Variants in PTPRM observed in about 807,000 individuals in gnomAD.
PTPRM encodes the protein protein tyrosine phosphatase receptor type M.
Under a neutral mutation model 186.7 loss-of-function variants are expected in PTPRM, and 47 were observed. The observed-to-expected ratio is 0.25, with a 90% CI of 0.20 to 0.32. The LOEUF (loss-of-function observed/expected upper bound fraction) is 0.32. Ranked by LOEUF, PTPRM falls within the 10% of genes least tolerant of loss-of-function variation. The pLI, the probability that PTPRM is intolerant of heterozygous loss-of-function variation, is 1.00. For missense variants in PTPRM, 1,494 were observed against 1,865.0 expected (o/e 0.80, Z 3.66); for synonymous variants, 668 against 674.9 (o/e 0.99, Z 0.16).
chr18:7,651,838 A>T (rs528498391), intron 1 of PTPRM, among the ~76,000 whole-genome samples: 1 of 152,168 alleles, frequency 6.6e-6, no homozygotes, highest in Non-Finnish European at 1.5e-5. Flanking sequence ...GGACATAGGC[A>T]TGGGCAAGGA....
At chr18:8,000,334 G>A (rs939483320) in intron 7 of PTPRM, among the ~76,000 whole-genome samples, 4 of 152,202 alleles carry the variant, frequency 2.6e-5, no homozygotes, top group Non-Finnish European at 4.4e-5. Context: ...TAGATAAACT[G>A]TCAGCAGATA....
chr18:8,137,334 A>G (rs1431805676), intron 13 of PTPRM, among the ~76,000 whole-genome samples: 1 of 152,128 alleles, frequency 6.6e-6, no homozygotes, highest in East Asian at 1.9e-4. Context: ...ATTGAACCCA[A>G]CACACAGCCC....
At chr18:7,651,779 G>C (rs989501323) in intron 1 of PTPRM, among the ~76,000 whole-genome samples, 2 of 152,110 alleles carry the variant, frequency 1.3e-5, no homozygotes, top group Non-Finnish European at 2.9e-5. Context: ...TTAAACGTTA[G>C]ACCTAAAACC....
At chr18:8,070,031 G>A in intron 8 of PTPRM, 37 bp downstream of exon 8, 1 of 1,552,966 alleles carries the variant, frequency 6.4e-7, no homozygotes, top group Non-Finnish European at 8.7e-7. Flanking sequence ...TGTAAAACAT[G>A]TTCTTTCAAA....
chr18:8,253,289 C>A lies in PTPRM; in HGVS notation c.2629C>A (p.Arg877=). Residue 877 remains arginine, a synonymous_variant, in exon 19 of 33, where the codon CGA becomes AGA. Coordinates refer to ENST00000580170, the MANE Select transcript of PTPRM (RefSeq NM_001105244.2). ...SLVQSHTYKK[R]EPADVPYQTG... ...GGTGCAGTCCCATACTTACAAGAAG[C>A]GAGAGCCGGCCGACGTGCCCTATCA... is the stretch of plus-strand genomic sequence containing the variant. The A allele has an allele frequency of 2.5e-6, 4 of 1,595,672 alleles. No individual in the cohort carries two copies. The highest frequency in any genetic ancestry group is 2.6e-6 in the Non-Finnish European group (3 of 1,171,090).
Position 8,242,496 on chromosome 18 carries a change from T to C in PTPRM, c.2301-1562T>C, listed in dbSNP as rs549768450. On this transcript the variant is annotated intron_variant, in intron 14 of 32. Transcript: ENST00000580170. ...GGGAGGAGAGAGGCTCTAGAAGGGA[T>C]GATCATGATCCCCACGGGGCAAGAG... Among the ~76,000 whole-genome samples the C allele has an allele frequency of 5.9e-5, 9 of 152,270 alleles. No individual in the cohort carries two copies. The South Asian group carries it at 1.9e-3, about 32-fold the overall frequency.
intron 14 of PTPRM, among the ~76,000 whole-genome samples, chr18:8,222,546 T>A (rs980369690): frequency 2.0e-5 from 3 of 152,180 alleles, no homozygotes; most frequent in East Asian, 1.9e-4. Flanking sequence ...CTCTTCCGAT[T>A]GCCATTTACT....
At chr18:8,221,322 C>T (rs758460362) in intron 14 of PTPRM, among the ~76,000 whole-genome samples, 2 of 152,150 alleles carry the variant, frequency 1.3e-5, no homozygotes, top group Non-Finnish European at 2.9e-5. Flanking sequence ...TTCTCAGAGG[C>T]CAGGGCTGTC....
chr18:7,936,730 C>T (rs768125538), intron 5 of PTPRM, among the ~76,000 whole-genome samples: 10 of 152,166 alleles, frequency 6.6e-5, no homozygotes, highest in African/African-American at 1.2e-4. Flanking sequence ...TCCTGCAGTT[C>T]GGGAGTGGGA....
At chr18:8,213,248 A>G (rs1174070911) in intron 14 of PTPRM, among the ~76,000 whole-genome samples, 1 of 152,230 alleles carries the variant, frequency 6.6e-6, no homozygotes, top group Non-Finnish European at 1.5e-5. Flanking sequence ...GAAAGGTAAC[A>G]GCATGACCTT....
chr18:8,332,766 A>T (rs1408084315), intron 22 of PTPRM, among the ~76,000 whole-genome samples: 1 of 152,206 alleles, frequency 6.6e-6, no homozygotes, highest in Non-Finnish European at 1.5e-5. Flanking sequence ...TCCAGTTGAG[A>T]AGAGATGTGT....
chr18:8,009,675 TC>T (rs200580933), intron 7 of PTPRM, among the ~76,000 whole-genome samples: 2,049 of 152,162 alleles, frequency 0.013, 49 homozygotes, highest in African/African-American at 0.047. Context: ...ACCACTGCAC[TC>T]CAGCCTGGGG....
intron 13 of PTPRM, among the ~76,000 whole-genome samples, chr18:8,125,953 A>G (rs1043591064): frequency 7.4e-6 from 1 of 135,848 alleles, no homozygotes; most frequent in African/African-American, 2.7e-5. Flanking sequence ...CATGCTGTGG[A>G]GAATGCTATA....
chr18:8,253,329 AC>A lies in PTPRM; in HGVS notation c.2673del (p.Ala892ProfsTer14). The stretch of plus-strand genomic sequence containing the variant: ...GTGCCCTATCAGACTGGGCAGCTCC[AC>A]CCCGCCATCCGGGTGGCAGACCTCC... ...ADVPYQTGQL[H>X]PAIRVADLLQ... On this transcript the variant is annotated frameshift_variant, in exon 19 of 33. Coordinates refer to ENST00000580170, the MANE Select transcript of PTPRM (RefSeq NM_001105244.2). LOFTEE classifies it high-confidence loss of function. The A allele has an allele frequency of 6.3e-7, 1 of 1,597,806 alleles. No homozygotes were observed. The highest frequency in any genetic ancestry group is 8.5e-7 in the Non-Finnish European group (1 of 1,172,236).
intron 2 of PTPRM, among the ~76,000 whole-genome samples, chr18:7,787,035 T>G (rs978544664): frequency 6.6e-6 from 1 of 152,214 alleles, no homozygotes; most frequent in African/African-American, 2.4e-5. Context: ...ATGGCACAAA[T>G]TATTACAAAT....
At chr18:8,051,247 A>G (rs1357566063) in intron 7 of PTPRM, among the ~76,000 whole-genome samples, 2 of 152,212 alleles carry the variant, frequency 1.3e-5, no homozygotes, top group African/African-American at 2.4e-5. Context: ...AATCTCAAAG[A>G]GCCAACAATC....
chr18:7,980,748 G>A (rs560162918), intron 7 of PTPRM, among the ~76,000 whole-genome samples: 6 of 152,230 alleles, frequency 3.9e-5, no homozygotes, highest in African/African-American at 1.4e-4. Flanking sequence ...GACAGTGAGA[G>A]ACTCCTTAAC....
chr18:8,115,762 C>T (rs1300325297), intron 13 of PTPRM, among the ~76,000 whole-genome samples: 2 of 152,144 alleles, frequency 1.3e-5, no homozygotes, highest in African/African-American at 2.4e-5. Flanking sequence ...TGTTGTTTAA[C>T]TCTCAGGTGA....
At chr18:7,807,213 G>C (rs1457287589) in intron 2 of PTPRM, among the ~76,000 whole-genome samples, 1 of 152,210 alleles carries the variant, frequency 6.6e-6, no homozygotes, top group African/African-American at 2.4e-5. Context: ...TTGTAGTGCT[G>C]ATATAGAGTA....
Sources: allele counts gnomAD v4.1 joint callset (sites outside exome capture counted in the v4.1 genomes callset), GRCh38; gene constraint gnomAD v4.1.1; transcripts MANE v1.5; gene names NCBI Gene and HGNC (gene_info 2026-07-23, HGNC 2026-07-21).